TEK: variants seen among roughly 807,000 people sequenced by gnomAD.
TEK encodes TEK receptor tyrosine kinase, also known as angiopoietin-1 receptor.
Under a neutral mutation model 131.8 loss-of-function variants are expected in TEK, and 43 were observed. The observed-to-expected ratio is 0.33, with a 90% CI of 0.26 to 0.42. TEK has a LOEUF of 0.42. TEK is among the 10% of genes least tolerant of loss of function. TEK has a pLI of 1.00. For synonymous variants in TEK, 580 were observed against 491.6 expected, an observed-to-expected ratio of 1.18 and a Z score of -2.38; for missense variants, 1,162 against 1,384.4, an observed-to-expected ratio of 0.84 and a Z score of 2.55.
At chr9:27,227,539 G>C (rs541180697) in intron 21 of TEK, among the ~76,000 whole-genome samples, 1 of 152,180 alleles carries the variant, frequency 6.6e-6, no homozygotes, top group Non-Finnish European at 1.5e-5. Flanking sequence ...AGCGCTAGCA[G>C]ATTTGGTGGC....
At chr9:27,146,195 G>A (rs577318566) in intron 1 of TEK, among the ~76,000 whole-genome samples, 1 of 152,194 alleles carries the variant, frequency 6.6e-6, no homozygotes, top group East Asian at 1.9e-4. Flanking sequence ...ACAGTTTGTG[G>A]CTATATGCTG....
intron 7 of TEK, among the ~76,000 whole-genome samples, chr9:27,181,353 A>C (rs1172946604): frequency 1.3e-5 from 2 of 152,072 alleles, no homozygotes; most frequent in African/African-American, 4.8e-5. Flanking sequence ...TCTCCAAAAA[A>C]TTTTCCAATA....
chr9:27,221,357 A>AGAGCTGGCAGGCAGG (rs1826071059), intron 21 of TEK, among the ~76,000 whole-genome samples: 1 of 152,188 alleles, frequency 6.6e-6, no homozygotes, highest in Non-Finnish European at 1.5e-5. Context: ...CAGCAGACTT[A>AGAGCTGGCAGGCAGG]AACGTTCCTG....
intron 9 of TEK, among the ~76,000 whole-genome samples, chr9:27,188,142 G>A (rs1271436545): frequency 6.6e-6 from 1 of 152,114 alleles, no homozygotes; most frequent in Non-Finnish European, 1.5e-5. Context: ...TAAAGCTAAA[G>A]AACAGGCAAT....
At chr9:27,179,053 C>A (rs1824269356) in intron 6 of TEK, among the ~76,000 whole-genome samples, 1 of 152,168 alleles carries the variant, frequency 6.6e-6, no homozygotes, top group African/African-American at 2.4e-5. Context: ...CTAACCCTTT[C>A]TCTCTGGTCC....
At chr9:27,198,054 CT>C (rs59953435) in intron 12 of TEK, among the ~76,000 whole-genome samples, 5 of 151,012 alleles carry the variant, frequency 3.3e-5, no homozygotes, top group East Asian at 1.9e-4. Context: ...AATAAAATCA[CT>C]TTTTTTTTCC....
intron 14 of TEK, among the ~76,000 whole-genome samples, chr9:27,205,697 G>A (rs556993718): frequency 3.3e-5 from 5 of 152,018 alleles, no homozygotes; most frequent in African/African-American, 1.2e-4. Context: ...TTACCAAGAG[G>A]CATCTTATTT....
At chr9:27,192,724 TGGG>T in intron 11 of TEK, 101 bp downstream of exon 11, 1 of 132,582 alleles carries the variant, frequency 7.5e-6, no homozygotes. Flanking sequence ...GGTGAGTGGG[TGGG>T]TGGGGATGGA....
chr9:27,183,291 G>A (rs1824462230), intron 7 of TEK, among the ~76,000 whole-genome samples, 168 bp from the exon 8 acceptor site: 1 of 152,170 alleles, frequency 6.6e-6, no homozygotes, highest in South Asian at 2.1e-4. Flanking sequence ...TAAAATGGGA[G>A]ACCACAATAT....
At position 27,203,065 on chromosome 9, in the gene TEK, G is replaced by C. The variant is rs753249243; in HGVS notation, c.2155G>C (p.Gly719Arg). 6.2e-7 allele frequency: 1 copy of C among 1,614,100 alleles called. No individual in the cohort carries two copies. The highest frequency in any genetic ancestry group is 8.5e-7 in the Non-Finnish European group (1 of 1,179,986). The change falls in exon 13 of 23, where the codon GGG (glycine) becomes CGG (arginine). Residue 719 changes from glycine to arginine, a missense_variant. By Grantham distance (125) the Gly-to-Arg change is moderately radical. Around this residue, in one of 6 missense-constraint regions of TEK, gnomAD observed 477 missense variants for 471.0 expected, o/e 1.01. Coordinates refer to ENST00000380036, the MANE Select transcript of TEK (RefSeq NM_000459.5). ...QVDIFAENNI[G>R]SSNPAFSHEL... ...GGACATTTTTGCAGAGAACAACATA[G>C]GGTCAAGCAACCCAGCCTTTTCTCA...
intron 21 of TEK, among the ~76,000 whole-genome samples, chr9:27,223,137 A>C (rs1409156172): frequency 6.6e-6 from 1 of 151,418 alleles, no homozygotes; most frequent in Non-Finnish European, 1.5e-5. Context: ...AAGTTCTTAG[A>C]GAACTGCAAA....
At position 27,180,260 on chromosome 9, in the gene TEK, G is replaced by A. The variant is rs752184169; in HGVS notation, c.922G>A (p.Gly308Arg). The change falls in exon 7 of 23, where the codon GGG becomes AGG. Residue 308 changes from glycine (G) to arginine (R), a missense_variant. Around this residue, in one of 6 missense-constraint regions of TEK, gnomAD observed 436 missense variants for 539.1 expected, o/e 0.81. Coordinates refer to ENST00000380036, the MANE Select transcript of TEK (RefSeq NM_000459.5). ...CNEACHPGFY[G>R]PDCKLRCSCN... ...TACAGCATGCCACCCTGGTTTTTAC[G>A]GGCCAGATTGTAAGCTTAGGTGCAG... 3.1e-6 allele frequency: 5 copies of A among 1,613,706 alleles called. No individual in the cohort carries two copies. Among genetic ancestry groups the A allele is most frequent in the Non-Finnish European group, 3.4e-6 (4 of 1,179,814 alleles).
intron 6 of TEK, among the ~76,000 whole-genome samples, chr9:27,176,854 C>G (rs913400510): frequency 6.6e-6 from 1 of 152,188 alleles, no homozygotes; most frequent in African/African-American, 2.4e-5. Flanking sequence ...TTTCCTCCAC[C>G]CTGTAGTCCC....
intron 16 of TEK, among the ~76,000 whole-genome samples, chr9:27,211,904 C>G (rs996691877): frequency 6.6e-6 from 1 of 151,306 alleles, no homozygotes; most frequent in African/African-American, 2.4e-5. Flanking sequence ...AAGTAAATTC[C>G]CTTTAAAAAA....
intron 1 of TEK, among the ~76,000 whole-genome samples, chr9:27,156,066 G>C (rs1564065205): frequency 6.6e-6 from 1 of 152,108 alleles, no homozygotes; most frequent in South Asian, 2.1e-4. Flanking sequence ...GCCTCCCAAA[G>C]TGCTGGGATT....
At chr9:27,147,988 T>C (rs1194711273) in intron 1 of TEK, among the ~76,000 whole-genome samples, 1 of 152,246 alleles carries the variant, frequency 6.6e-6, no homozygotes, top group East Asian at 1.9e-4. Context: ...TTCTTTGTCA[T>C]AGTCTCCTTT....
At chr9:27,220,491 G>C (rs866552584) in intron 21 of TEK, among the ~76,000 whole-genome samples, 3 of 152,004 alleles carry the variant, frequency 2.0e-5, no homozygotes, top group Admixed American at 6.5e-5. Flanking sequence ...GATTAATTAA[G>C]AAGGATACAT....
intron 1 of TEK, among the ~76,000 whole-genome samples, chr9:27,129,123 A>C (rs1822112007): frequency 6.6e-6 from 1 of 152,204 alleles, no homozygotes; most frequent in African/African-American, 2.4e-5. Flanking sequence ...TGTCATAAAT[A>C]GCTCTTAATA....
At chr9:27,112,382 C>A (rs1205980519) in intron 1 of TEK, among the ~76,000 whole-genome samples, 1 of 152,102 alleles carries the variant, frequency 6.6e-6, no homozygotes, top group Non-Finnish European at 1.5e-5. Flanking sequence ...AAGCTGGGAT[C>A]GGAGACACCC....
Sources: gnomAD v4.1 joint callset for allele counts (sites outside exome capture counted in the v4.1 genomes callset) on GRCh38, gnomAD v4.1.1 for gene constraint, gnomAD v4.1.1 regional missense constraint, MANE v1.5 for transcripts, NCBI Gene and HGNC (gene_info 2026-07-23, HGNC 2026-07-21) for gene names.